Variants in HP1BP3 observed in about 807,000 individuals in gnomAD.
HP1BP3 encodes heterochromatin protein 1 binding protein 3.
In HP1BP3, 12 loss-of-function variants were observed where a neutral mutation model predicts 62.5. The observed-to-expected ratio is 0.19, with a 90% confidence interval of 0.12 to 0.31. The LOEUF (loss-of-function observed/expected upper bound fraction) is 0.31, where lower values mean the gene tolerates loss of function less well. Among genes scored for constraint, HP1BP3 ranks in the 10% least tolerant of loss-of-function variants. The pLI, the probability that HP1BP3 is intolerant of heterozygous loss-of-function variation, is 1.00. For missense variants in HP1BP3, 502 were observed against 651.8 expected (o/e 0.77, Z 2.50); for synonymous variants, 260 against 237.8 (o/e 1.09, Z -0.86).
Position 20,765,493 on chromosome 1 carries a change from T to C in HP1BP3, c.774A>G (p.Lys258=). 6.2e-7 allele frequency: 1 copy of C among 1,613,522 alleles called. No individual in the cohort carries two copies. The highest frequency in any genetic ancestry group is 8.5e-7 in the Non-Finnish European group (1 of 1,179,562). ...SSAVDPEPQV[K]LEDVLPLAFT... ...AGGCCAGTGGGAGGACATCCTCCAA[T>C]TTTACTTGTGGTTCTGGATCCACTG... Residue 258 remains lysine (K), a synonymous_variant, in exon 8 of 13, where the codon AAA becomes AAG. Transcript: ENST00000438032.
At chr1:20,747,421 T>C (rs925369046) in intron 11 of HP1BP3, 123 bp downstream of exon 11, 14 of 653,268 alleles carry the variant, frequency 2.1e-5, no homozygotes, top group African/African-American at 7.4e-5. Context: ...CAATCCCCTA[T>C]ATGTAACAAA....
chr1:20,745,902 A>C (rs1434408922), intron 11 of HP1BP3, among the ~76,000 whole-genome samples: 3 of 152,202 alleles, frequency 2.0e-5, no homozygotes, highest in African/African-American at 7.2e-5. Flanking sequence ...ATTAATCCAT[A>C]GTCATTTATT....
At chr1:20,759,173 G>A (rs1011427952) in intron 8 of HP1BP3, among the ~76,000 whole-genome samples, 9 of 152,184 alleles carry the variant, frequency 5.9e-5, no homozygotes, top group South Asian at 4.1e-4. Flanking sequence ...GGCCGAGGCC[G>A]GCAGATCACC....
Position 20,780,396 on chromosome 1 carries a change from T to G in HP1BP3, c.45A>C (p.Ala15=), listed in dbSNP as rs763202727. ...TSQGELVHPK[A]LPLIVGAQLI... The stretch of plus-strand genomic sequence containing the variant: ...GCTGAGCTCCTACTATAAGTGGGAG[T>G]GCCTTAGGATGGACGAGTTCACCTT... Residue 15 remains alanine, a synonymous_variant, in exon 2 of 13, where the codon GCA becomes GCC. Transcript: ENST00000438032. 116 of 1,613,702 alleles carry G rather than the reference T, an allele frequency of 7.2e-5. No homozygotes were observed. Among genetic ancestry groups the G allele is most frequent in the Non-Finnish European group, 9.2e-5 (109 of 1,179,916 alleles).
intron 6 of HP1BP3, among the ~76,000 whole-genome samples, chr1:20,767,896 T>C (rs567665176): frequency 2.0e-5 from 3 of 152,296 alleles, no homozygotes; most frequent in Non-Finnish European, 4.4e-5. Context: ...GAGCTTTTGT[T>C]TTCTCATCTA....
chr1:20,764,962 A>G (rs765861196), intron 8 of HP1BP3, among the ~76,000 whole-genome samples: 3 of 151,950 alleles, frequency 2.0e-5, no homozygotes, highest in Non-Finnish European at 4.4e-5. Flanking sequence ...TGAGTTCAAG[A>G]GTTCGAGACC....
At chr1:20,764,548 G>C (rs757042903) in intron 8 of HP1BP3, among the ~76,000 whole-genome samples, 1 of 150,924 alleles carries the variant, frequency 6.6e-6, no homozygotes, top group Admixed American at 6.6e-5. Flanking sequence ...ACCTGGTAGA[G>C]TAACTCTTTT....
intron 3 of HP1BP3, among the ~76,000 whole-genome samples, chr1:20,779,404 A>G (rs1306194983): frequency 6.6e-6 from 1 of 152,118 alleles, no homozygotes; most frequent in East Asian, 1.9e-4. Flanking sequence ...AGATCAACAG[A>G]TCACCATTTG....
chr1:20,768,545 T>C (rs544390287), intron 6 of HP1BP3, among the ~76,000 whole-genome samples: 48 of 151,954 alleles, frequency 3.2e-4, no homozygotes, highest in Non-Finnish European at 4.9e-4. Flanking sequence ...AATTTTAAAG[T>C]TGATTCACAA....
intron 1 of HP1BP3, among the ~76,000 whole-genome samples, chr1:20,785,278 T>C (rs917460333): frequency 4.6e-5 from 7 of 152,222 alleles, no homozygotes; most frequent in African/African-American, 1.7e-4. Context: ...AATTTCAGTT[T>C]TAATTTATTT....
intron 10 of HP1BP3, 91 bp from the exon 11 acceptor site, chr1:20,747,746 CCT>C: frequency 1.4e-6 from 1 of 725,968 alleles, no homozygotes; most frequent in East Asian, 2.6e-5. Context: ...AATTTAATAT[CCT>C]GTCACATACG....
In HP1BP3 at chr1:20,747,532, C is replaced by A; in HGVS notation, c.1253+12G>T. On this transcript the variant is annotated intron_variant, in intron 11 of 12. Coordinates refer to ENST00000438032, the MANE Select transcript of HP1BP3 (RefSeq NM_001372052.1). Reference sequence around the variant, plus strand: ...TAAATTTACAGTGATCTATTATAGGCTAAGTACTTACCTGGGATAATAGGG... The same window carrying A: ...TAAATTTACAGTGATCTATTATAGGATAAGTACTTACCTGGGATAATAGGG... 1 of 1,494,414 alleles carries A rather than the reference C, an allele frequency of 6.7e-7. No homozygotes were observed. The allele number at this position is 1,494,414 out of a possible 1,614,324, so 92.6% of individuals were successfully genotyped here.
intron 11 of HP1BP3, 111 bp downstream of exon 11, chr1:20,747,433 G>A (rs2055412789): frequency 5.7e-6 from 4 of 698,538 alleles, no homozygotes; most frequent in Non-Finnish European, 9.6e-6. Flanking sequence ...TGTAACAAAG[G>A]ACGACTGTAT....
At chr1:20,785,707 T>C (rs1024076777) in intron 1 of HP1BP3, among the ~76,000 whole-genome samples, 3 of 152,210 alleles carry the variant, frequency 2.0e-5, no homozygotes, top group African/African-American at 7.2e-5. Flanking sequence ...GTATACGTTC[T>C]CCACTAACTT....
At chr1:20,750,932 C>T (rs991930012) in intron 9 of HP1BP3, among the ~76,000 whole-genome samples, 34 of 151,056 alleles carry the variant, frequency 2.3e-4, no homozygotes, top group African/African-American at 8.1e-4. Context: ...ATTCTCCTGC[C>T]TCAACTTCCC....
At chr1:20,750,114 C>A in intron 9 of HP1BP3, 1 of 702,146 alleles carries the variant, frequency 1.4e-6, no homozygotes, top group Non-Finnish European at 2.1e-6. Flanking sequence ...TCCATCCACC[C>A]TAAAATAATA....
intron 9 of HP1BP3, among the ~76,000 whole-genome samples, chr1:20,752,178 C>G (rs1362999035): frequency 6.6e-6 from 1 of 151,980 alleles, no homozygotes; most frequent in Non-Finnish European, 1.5e-5. Flanking sequence ...AGGAGAATCG[C>G]TTGAACCCGG....
At position 20,744,583 on chromosome 1, in the gene HP1BP3, C is replaced by T. The variant is rs2055192958; in HGVS notation, c.*214G>A. On this transcript the variant is annotated 3_prime_UTR_variant, in exon 13 of 13. Coordinates refer to ENST00000438032, the MANE Select transcript of HP1BP3 (RefSeq NM_001372052.1). ...AGTTTAGGAAAGTCCAGGATTATTG[C>T]AGAAATTAAAATGAACAAGGAAAAG... is the stretch of plus-strand genomic sequence containing the variant. 1.9e-6 allele frequency: 1 copy of T among 538,700 alleles called. No homozygotes were observed. The highest frequency in any genetic ancestry group is 1.9e-5 in the African/African-American group (1 of 52,064). 33.4% of individuals were successfully genotyped at this position (538,700 alleles called of 1,614,324 possible).
At chr1:20,777,412 T>A (rs1283833041) in intron 3 of HP1BP3, among the ~76,000 whole-genome samples, 2 of 152,168 alleles carry the variant, frequency 1.3e-5, no homozygotes, top group African/African-American at 4.8e-5. Context: ...ATTGCAATAA[T>A]GACGAGGACT....
Sources: allele counts gnomAD v4.1 joint callset (sites outside exome capture counted in the v4.1 genomes callset), GRCh38; gene constraint gnomAD v4.1.1; transcripts MANE v1.5; gene names NCBI Gene and HGNC (gene_info 2026-07-23, HGNC 2026-07-21).